The following ABL2 variants were observed in gnomAD, a reference collection of about 807,000 sequenced individuals.
ABL2 encodes the protein tyrosine-protein kinase ABL2.
ABL2 carries 49 observed loss-of-function variants against 107.7 expected under a neutral mutation model. The observed-to-expected ratio is 0.45, with a 90% confidence interval of 0.36 to 0.58. The LOEUF (loss-of-function observed/expected upper bound fraction) is 0.58, where lower values mean the gene tolerates loss of function less well. ABL2 is among the 20% of genes least tolerant of loss of function. The pLI, the probability that ABL2 is intolerant of heterozygous loss-of-function variation, is 0.00. For synonymous variants in ABL2, 549 were observed against 548.6 expected (o/e 1.00, Z -0.01); for missense variants, 1,245 against 1,457.0 (o/e 0.85, Z 2.37).
At chr1:179,147,057 G>A (rs897276381) in intron 1 of ABL2, among the ~76,000 whole-genome samples, 4 of 150,468 alleles carry the variant, frequency 2.7e-5, no homozygotes, top group Admixed American at 1.3e-4. Flanking sequence ...GCCAGACCCT[G>A]TCTTTAAAAA....
rs1263339938 is a variant in ABL2 at position 179,099,699 on chromosome 1, C to T, written c.*8019G>A. On this transcript the variant is annotated 3_prime_UTR_variant, in exon 12 of 12. Transcript: ENST00000502732. ...TGCGGGGCGGGACCTTTGGTATAAA[C>T]GTTCAACGAGTTTTAAAGAATTGAA... The T allele has an allele frequency of 8.7e-6, 2 of 230,604 alleles. No individual in the cohort carries two copies. The highest frequency in any genetic ancestry group is 1.7e-5 in the Non-Finnish European group (2 of 116,526). 14.3% of individuals were successfully genotyped at this position (230,604 alleles called of 1,614,324 possible).
At chr1:179,208,914 G>A (rs752951643) in intron 1 of ABL2, among the ~76,000 whole-genome samples, 2 of 152,186 alleles carry the variant, frequency 1.3e-5, no homozygotes, top group African/African-American at 2.4e-5. Flanking sequence ...TTACAGAAAT[G>A]TTGGCACATA....
At chr1:179,119,215 G>A (rs1654943522) in intron 6 of ABL2, among the ~76,000 whole-genome samples, 1 of 152,098 alleles carries the variant, frequency 6.6e-6, no homozygotes, top group African/African-American at 2.4e-5. Flanking sequence ...CATAGTCAAG[G>A]ATTTCACTGA....
chr1:179,188,962 T>C (rs1660845379), intron 1 of ABL2, among the ~76,000 whole-genome samples: 1 of 152,236 alleles, frequency 6.6e-6, no homozygotes, highest in South Asian at 2.1e-4. Context: ...TCTTGAACTA[T>C]ATTAACGAGT....
rs1557919969 is a variant in ABL2, at chr1:179,118,571, G to A, written c.1223+16C>T. On this transcript the variant is annotated intron_variant, in intron 7 of 11. Coordinates refer to ENST00000502732, the MANE Select transcript of ABL2 (RefSeq NM_007314.4). ...CAAGATGGCTTCATGGTTGGTCAGA[G>A]GTAAGTTTTACACACCTATGGATGA... is the stretch of plus-strand genomic sequence containing the variant. The A allele has an allele frequency of 6.2e-7, 1 of 1,603,066 alleles. No homozygotes were observed. The highest frequency in any genetic ancestry group is 1.7e-5 in the Admixed American group (1 of 59,010).
At chr1:179,200,630 AT>A (rs1168704848) in intron 1 of ABL2, among the ~76,000 whole-genome samples, 1 of 152,110 alleles carries the variant, frequency 6.6e-6, no homozygotes, top group Non-Finnish European at 1.5e-5. Context: ...CCATGTAGAG[AT>A]TTTGTATGAA....
chr1:179,205,394 G>T (rs1448067588), intron 1 of ABL2, among the ~76,000 whole-genome samples: 1 of 152,096 alleles, frequency 6.6e-6, no homozygotes, highest in African/African-American at 2.4e-5. Context: ...CTTTCTCCAT[G>T]CCCCCCGGCA....
At chr1:179,195,730 G>A (rs1303831555) in intron 1 of ABL2, among the ~76,000 whole-genome samples, 4 of 152,090 alleles carry the variant, frequency 2.6e-5, no homozygotes, top group African/African-American at 7.2e-5. Context: ...TCTCCTGCAC[G>A]TTACAACACA....
chr1:179,221,615 T>C (rs1662867504), intron 1 of ABL2: 1 of 179,128 alleles, frequency 5.6e-6, no homozygotes, highest in Non-Finnish European at 1.3e-5. Context: ...AACAACCTAT[T>C]ATGGCATTCA....
chr1:179,123,223 T>A (rs1007904482), intron 4 of ABL2, among the ~76,000 whole-genome samples: 1 of 151,932 alleles, frequency 6.6e-6, no homozygotes. Context: ...AATTTACCGG[T>A]GGCCAGGAGC....
chr1:179,116,532 C>CA (rs1181177588), intron 8 of ABL2, among the ~76,000 whole-genome samples: 1 of 145,786 alleles, frequency 6.9e-6, no homozygotes, highest in Non-Finnish European at 1.5e-5. Flanking sequence ...TTGTTTGAGA[C>CA]AGAGTTTTGT....
intron 1 of ABL2, among the ~76,000 whole-genome samples, chr1:179,171,580 T>G (rs2102774896): frequency 6.6e-6 from 1 of 152,332 alleles, no homozygotes; most frequent in East Asian, 1.9e-4. Flanking sequence ...TGGAGTACAG[T>G]GGCATGATCA....
intron 1 of ABL2, among the ~76,000 whole-genome samples, chr1:179,210,012 C>A (rs1662176862): frequency 1.3e-5 from 2 of 152,080 alleles, no homozygotes; most frequent in Non-Finnish European, 2.9e-5. Flanking sequence ...GTAGCTAGGA[C>A]TACAGGCACA....
rs61731092 is a variant in ABL2 at position 179,108,642 on chromosome 1, G to A, written c.2625C>T (p.Asp875=). The A allele has an allele frequency of 2.6e-4, 415 of 1,614,072 alleles. No homozygotes were observed. The highest frequency in any genetic ancestry group is 5.8e-5 in the Non-Finnish European group (68 of 1,180,050). ...PSGDLAITEK[D]PPGVGVAGVA... ...CTCCAGCCACTCCCACCCCTGGAGGGTCCTTCTCTGTAATGGCTAGATCCC... is the reference window on the plus strand; with the variant it reads ...CTCCAGCCACTCCCACCCCTGGAGGATCCTTCTCTGTAATGGCTAGATCCC... Residue 875 remains aspartate (D), a synonymous_variant, in exon 12 of 12, where the codon GAC becomes GAT. Transcript: ENST00000502732.
At chr1:179,134,384 T>C (rs1055771557) in intron 1 of ABL2, among the ~76,000 whole-genome samples, 5 of 152,082 alleles carry the variant, frequency 3.3e-5, no homozygotes, top group Non-Finnish European at 7.4e-5. Flanking sequence ...CCCATCTCTA[T>C]TAAAAATACA....
chr1:179,109,502 T>C, intron 11 of ABL2, 61 bp from the exon 12 acceptor site: 1 of 1,534,786 alleles, frequency 6.5e-7, no homozygotes, highest in South Asian at 1.3e-5. Flanking sequence ...TACATTTGAG[T>C]TACCGAGGCT....
intron 1 of ABL2, among the ~76,000 whole-genome samples, chr1:179,222,532 A>G (rs1410871031): frequency 6.6e-6 from 1 of 152,058 alleles, no homozygotes; most frequent in African/African-American, 2.4e-5. Context: ...GTGGGATTAT[A>G]GGTGCGCGCC....
At position 179,106,649 on chromosome 1, in the gene ABL2, G is replaced by A. The variant is rs1440986528; in HGVS notation, c.*1069C>T. ...AAAGGTACAGAGAAACAGCCATTAGGACCAAGCCAGCTTTTCCTCTCAGTC... is the reference window on the plus strand; with the variant it reads ...AAAGGTACAGAGAAACAGCCATTAGAACCAAGCCAGCTTTTCCTCTCAGTC... On this transcript the variant is annotated 3_prime_UTR_variant, in exon 12 of 12. Transcript: ENST00000502732. 1 of 232,148 alleles carries A rather than the reference G, an allele frequency of 4.3e-6. No individual in the cohort carries two copies. The highest frequency in any genetic ancestry group is 8.5e-6 in the Non-Finnish European group (1 of 117,484). 14.4% of individuals were successfully genotyped at this position (232,148 alleles called of 1,614,324 possible). A position where few individuals can be genotyped will look rare whatever the true frequency, so the allele number is the denominator to read the frequency against.
chr1:179,179,484 C>A (rs1484320277), intron 1 of ABL2, among the ~76,000 whole-genome samples: 1 of 150,778 alleles, frequency 6.6e-6, no homozygotes, highest in Admixed American at 6.6e-5. Context: ...ATAGAAAGTA[C>A]CTAGGAAGAA....
Sources: allele counts gnomAD v4.1 joint callset (sites outside exome capture counted in the v4.1 genomes callset), GRCh38; gene constraint gnomAD v4.1.1; transcripts MANE v1.5; gene names NCBI Gene and HGNC (gene_info 2026-07-23, HGNC 2026-07-21).